The following ADAMTSL1 variants were observed in gnomAD, a reference collection of about 807,000 sequenced individuals.
The protein encoded by ADAMTSL1 is ADAMTS-like protein 1.
A neutral mutation model predicts 201.8 loss-of-function variants in ADAMTSL1; 126 were observed. The ratio of observed to expected loss-of-function variants is 0.62; its 90% CI spans 0.54 to 0.72. The LOEUF (loss-of-function observed/expected upper bound fraction) is 0.72. ADAMTSL1 is among the 30% of genes least tolerant of loss of function. The probability of loss-of-function intolerance (pLI) is 0.00; values close to 1 mark genes in which losing one functional copy is unlikely to be tolerated. For synonymous variants in ADAMTSL1, 1,121 were observed against 903.4 expected (o/e 1.24, Z -4.32); for missense variants, 2,679 against 2,277.8 (o/e 1.18, Z -3.59).
At chr9:18,514,009 T>G (rs1818201576) in intron 2 of ADAMTSL1, among the ~76,000 whole-genome samples, 1 of 152,220 alleles carries the variant, frequency 6.6e-6, no homozygotes, top group South Asian at 2.1e-4. Flanking sequence ...TAGAACTGTT[T>G]TTTCCATTTC....
chr9:18,905,440 G>A (rs1485445447), intron 26 of ADAMTSL1: 1 of 264,726 alleles, frequency 3.8e-6, no homozygotes, highest in Admixed American at 4.7e-5. Context: ...AGCTATTTAA[G>A]GGTCTTCAGT....
intron 1 of ADAMTSL1, among the ~76,000 whole-genome samples, chr9:17,994,467 T>C (rs547653751): frequency 3.9e-5 from 6 of 152,174 alleles, no homozygotes; most frequent in Non-Finnish European, 8.8e-5. Flanking sequence ...GGAATTGTAA[T>C]AATTAAATGC....
At chr9:18,635,889 A>G in intron 5 of ADAMTSL1, 54 bp from the exon 6 acceptor site, 1 of 1,489,930 alleles carries the variant, frequency 6.7e-7, no homozygotes, top group South Asian at 1.2e-5. Flanking sequence ...GAAGGCAATC[A>G]ATAATTTTGT....
At chr9:18,590,585 A>G (rs1464571508) in intron 4 of ADAMTSL1, among the ~76,000 whole-genome samples, 2 of 151,460 alleles carry the variant, frequency 1.3e-5, no homozygotes, top group Admixed American at 6.6e-5. Flanking sequence ...TTTTTTTTCT[A>G]ATTCCTTGAG....
intron 1 of ADAMTSL1, among the ~76,000 whole-genome samples, chr9:18,495,636 G>A (rs1822497301): frequency 6.6e-6 from 1 of 152,206 alleles, no homozygotes; most frequent in African/African-American, 2.4e-5. Flanking sequence ...TTAAGCTAGA[G>A]GAAAATGTTA....
At chr9:18,437,067 A>C (rs1563960301) in intron 2 of ADAMTSL1, among the ~76,000 whole-genome samples, 1 of 151,360 alleles carries the variant, frequency 6.6e-6, no homozygotes, top group South Asian at 2.1e-4. Context: ...GTCACCATCT[A>C]GGATGGTTGT....
intron 7 of ADAMTSL1, among the ~76,000 whole-genome samples, chr9:18,656,308 A>G (rs373171771): frequency 1.3e-5 from 2 of 151,990 alleles, no homozygotes; most frequent in Non-Finnish European, 2.9e-5. Context: ...AAATCCATCC[A>G]TTTATCCTAC....
At chr9:18,368,224 T>A (rs1015909464) in intron 2 of ADAMTSL1, among the ~76,000 whole-genome samples, 1 of 152,158 alleles carries the variant, frequency 6.6e-6, no homozygotes, top group Admixed American at 6.5e-5. Flanking sequence ...TGAGGGAGTC[T>A]TTTAAAAGTG....
rs772248368 is a variant in ADAMTSL1 at position 18,795,511 on chromosome 9, C to T, written c.3792C>T (p.Ala1264=). 5.0e-6 allele frequency: 8 copies of T among 1,612,460 alleles called. No homozygotes were observed. The highest frequency in any genetic ancestry group is 3.3e-5 in the Admixed American group (2 of 59,738). Reference sequence around the variant, plus strand: ...TGGGATACGACTCTGTCTCCATTGCCGTCACATTAGCAGGTAACCCAAAAA... The same window carrying T: ...TGGGATACGACTCTGTCTCCATTGCTGTCACATTAGCAGGTAACCCAAAAA... ...NALGYDSVSI[A]VTLAGKPLVK... Residue 1264 remains alanine, a synonymous_variant, in exon 20 of 29, where the codon GCC becomes GCT. Transcript: ENST00000380548.
intron 3 of ADAMTSL1, among the ~76,000 whole-genome samples, chr9:18,546,876 G>T (rs1399507696): frequency 6.6e-6 from 1 of 152,090 alleles, no homozygotes; most frequent in African/African-American, 2.4e-5. Flanking sequence ...AGCATCCTAT[G>T]TAGATTTCTT....
intron 1 of ADAMTSL1, among the ~76,000 whole-genome samples, chr9:18,504,120 C>T (rs1253206877): frequency 1.3e-5 from 2 of 152,054 alleles, no homozygotes; most frequent in Non-Finnish European, 2.9e-5. Flanking sequence ...TGTACCCAAA[C>T]TCAGATAATT....
chr9:18,715,247 G>T lies in ADAMTSL1; in HGVS notation c.1877-6289G>T, dbSNP rs557585747. On this transcript the variant is annotated intron_variant, in intron 14 of 28. Transcript: ENST00000380548. ...TGGAAGTTCTGGCCAGGGCAATTAGGCAGGAGAAGGAAATAAAGGGTATTC... is the reference window on the plus strand; with the variant it reads ...TGGAAGTTCTGGCCAGGGCAATTAGTCAGGAGAAGGAAATAAAGGGTATTC... 1.8e-3 allele frequency among the ~76,000 whole-genome samples: 265 copies of T among 150,538 alleles called. 1 individual carries two copies. Among genetic ancestry groups the T allele is most frequent in the African/African-American group, 6.2e-3 (254 of 41,042 alleles).
chr9:18,377,850 G>A (rs1363557414), intron 2 of ADAMTSL1, among the ~76,000 whole-genome samples: 1 of 152,168 alleles, frequency 6.6e-6, no homozygotes, highest in African/African-American at 2.4e-5. Context: ...TTACAGGCAT[G>A]AGTCACCATG....
chr9:17,912,130 A>G (rs10963336), intron 1 of ADAMTSL1, among the ~76,000 whole-genome samples: 36,338 of 44,526 alleles, frequency 0.82, 16,601 homozygotes, highest in Non-Finnish European at 0.99. Flanking sequence ...GTTGTGAATA[A>G]TGCCGCAATA....
chr9:18,046,526 C>G (rs1821665838), intron 1 of ADAMTSL1, among the ~76,000 whole-genome samples: 2 of 152,104 alleles, frequency 1.3e-5, no homozygotes, highest in African/African-American at 4.8e-5. Flanking sequence ...CATCTAGCTG[C>G]AAGGGAGTAG....
intron 4 of ADAMTSL1, among the ~76,000 whole-genome samples, chr9:18,598,988 C>T (rs1169247904): frequency 3.3e-5 from 5 of 152,160 alleles, no homozygotes; most frequent in Admixed American, 1.3e-4. Context: ...ACTGTCCTCT[C>T]TGCCCCACAG....
intron 1 of ADAMTSL1, among the ~76,000 whole-genome samples, chr9:18,002,313 C>A (rs1168141862): frequency 1.3e-5 from 2 of 151,872 alleles, no homozygotes; most frequent in Non-Finnish European, 2.9e-5. Context: ...AAATAAAAAC[C>A]AAACACCTGA....
intron 4 of ADAMTSL1, among the ~76,000 whole-genome samples, chr9:18,605,721 T>A (rs1456458130): frequency 6.6e-6 from 1 of 152,228 alleles, no homozygotes; most frequent in Non-Finnish European, 1.5e-5. Context: ...TTTTCCTGAT[T>A]TTGTGTAATT....
chr9:18,383,318 G>T (rs1837639969), intron 2 of ADAMTSL1, among the ~76,000 whole-genome samples: 1 of 152,056 alleles, frequency 6.6e-6, no homozygotes, highest in South Asian at 2.1e-4. Context: ...GGTAAGGAGA[G>T]GACACTGTCA....
Sources: gnomAD v4.1 joint callset for allele counts (sites outside exome capture counted in the v4.1 genomes callset) on GRCh38, gnomAD v4.1.1 for gene constraint, MANE v1.5 for transcripts, NCBI Gene and HGNC (gene_info 2026-07-23, HGNC 2026-07-21) for gene names.